Variants in POLR1D observed in about 807,000 individuals in gnomAD.
The protein encoded by POLR1D is DNA-directed RNA polymerases I and III subunit RPAC2.
In POLR1D, 8 loss-of-function variants were observed where a neutral mutation model predicts 10.8. The ratio of observed to expected loss-of-function variants is 0.74; its 90% CI spans 0.43 to 1.33. The LOEUF (loss-of-function observed/expected upper bound fraction) is 1.33, where lower values mean the gene tolerates loss of function less well. Among genes scored for constraint, POLR1D ranks in the 40% most tolerant of loss-of-function variants. The pLI, the probability that POLR1D is intolerant of heterozygous loss-of-function variation, is 0.01. For synonymous variants in POLR1D, 54 were observed against 57.2 expected (o/e 0.94, Z 0.25); for missense variants, 152 against 161.7 (o/e 0.94, Z 0.32).
In POLR1D at chr13:27,623,075, C is replaced by T. The variant is rs982475570; in HGVS notation, c.227C>T (p.Ser76Leu). Residue 76 changes from serine to leucine, a missense_variant, in exon 2 of 2, where the codon TCA becomes TTA. Ser to Leu is a moderately radical substitution (Grantham distance 145). Transcript: ENST00000302979. ...EFCGYTTTHP[S>L]ESKINLRIQT... ...TGTGGTTACACTACGACCCATCCTT[C>T]AGAGAGCAAAATTAATTTACGCATT... is the stretch of plus-strand genomic sequence containing the variant. 1.9e-6 allele frequency: 3 copies of T among 1,614,144 alleles called. No individual in the cohort carries two copies. The highest frequency in any genetic ancestry group is 8.5e-7 in the Non-Finnish European group (1 of 1,179,992).
At chr13:27,659,315 A>G (rs1956336230) in intron 2 of POLR1D, among the ~76,000 whole-genome samples, 1 of 152,156 alleles carries the variant, frequency 6.6e-6, no homozygotes, top group African/African-American at 2.4e-5. Flanking sequence ...AAGTGATCAC[A>G]GTGTGGCATG....
At chr13:27,645,713 G>T (rs1593287673) in intron 1 of POLR1D, among the ~76,000 whole-genome samples, 1 of 152,080 alleles carries the variant, frequency 6.6e-6, no homozygotes, top group Non-Finnish European at 1.5e-5. Context: ...CTGACTGAGT[G>T]CCCTCCCACC....
chr13:27,627,756 A>G (rs570548960), downstream of POLR1D, among the ~76,000 whole-genome samples: 1 of 88,954 alleles, frequency 1.1e-5, no homozygotes, highest in South Asian at 3.4e-4. Flanking sequence ...TTTTTGTCCC[A>G]TGCCTGTGTG....
At chr13:27,630,414 G>A (rs576498678) in intron 1 of POLR1D, among the ~76,000 whole-genome samples, 1 of 152,298 alleles carries the variant, frequency 6.6e-6, no homozygotes, top group African/African-American at 2.4e-5. Context: ...CACAGAGATT[G>A]AACTAGTTGG....
intron 1 of POLR1D, among the ~76,000 whole-genome samples, chr13:27,632,865 G>A (rs1956087575): frequency 6.6e-6 from 1 of 152,080 alleles, no homozygotes; most frequent in Non-Finnish European, 1.5e-5. Context: ...CTCATAGCAG[G>A]TGTTCAAAAA....
rs1417053002 is a variant in POLR1D, at chr13:27,663,107, C to T, written c.102-2579C>T. On this transcript the variant is annotated intron_variant, in intron 2 of 2. Transcript: ENST00000399697. The surrounding 1 kb of genome is among the most constrained non-coding windows in gnomAD (Gnocchi z 4.1). ...CCTCAGACATTGGTTTTGATGTTGCCGTCCTTAGACTTGGATCTATTCTGT... is the reference window on the plus strand; with the variant it reads ...CCTCAGACATTGGTTTTGATGTTGCTGTCCTTAGACTTGGATCTATTCTGT... 6.6e-6 allele frequency among the ~76,000 whole-genome samples: 1 copy of T among 152,160 alleles called. No homozygotes were observed. Among genetic ancestry groups the T allele is most frequent in the Non-Finnish European group, 1.5e-5 (1 of 68,044 alleles).
At position 27,663,457 on chromosome 13, in the gene POLR1D, A is replaced by G. The variant is rs567383989; in HGVS notation, c.102-2229A>G. ...GCCAGTTTTCTTGTGGAATTATTCTATAAAACCATCTCATTCTCTGGCTAA... is the reference window on the plus strand; with the variant it reads ...GCCAGTTTTCTTGTGGAATTATTCTGTAAAACCATCTCATTCTCTGGCTAA... On this transcript the variant is annotated intron_variant, in intron 2 of 2. Transcript: ENST00000399697. The surrounding 1 kb of genome is among the most constrained non-coding windows in gnomAD (Gnocchi z 4.1). 6.6e-6 allele frequency among the ~76,000 whole-genome samples: 1 copy of G among 152,358 alleles called. No individual in the cohort carries two copies. The highest frequency in any genetic ancestry group is 1.9e-4 in the East Asian group (1 of 5,186).
chr13:27,657,184 C>T (rs1956316047), intron 2 of POLR1D, among the ~76,000 whole-genome samples: 2 of 152,158 alleles, frequency 1.3e-5, no homozygotes, highest in African/African-American at 4.8e-5. Context: ...CTATTTATCA[C>T]TTTTTAACAG....
chr13:27,626,202 C>A (rs1042459948), downstream of POLR1D, among the ~76,000 whole-genome samples: 1 of 152,142 alleles, frequency 6.6e-6, no homozygotes. Context: ...GAATTACTTA[C>A]CTGGAGTTTA....
At chr13:27,621,388 T>A (rs1298079265), upstream of POLR1D, 2 of 152,376 alleles carry the variant, frequency 1.3e-5, no homozygotes, top group Non-Finnish European at 2.9e-5. Flanking sequence ...CCTTCAACCT[T>A]CGTATTCTGT....
chr13:27,653,612 T>G (rs1241794024), intron 2 of POLR1D, among the ~76,000 whole-genome samples: 1 of 152,212 alleles, frequency 6.6e-6, no homozygotes, highest in African/African-American at 2.4e-5. Flanking sequence ...CTTACGTTAT[T>G]GAGAACCCCA....
intron 1 of POLR1D, among the ~76,000 whole-genome samples, chr13:27,632,641 A>ACCC (rs11378549): frequency 6.9e-6 from 1 of 145,156 alleles, no homozygotes. Flanking sequence ...AAATTGCAGC[A>ACCC]CCCCCCGCCC....
intron 1 of POLR1D, among the ~76,000 whole-genome samples, chr13:27,634,026 TG>T (rs1325091038): frequency 2.0e-5 from 3 of 152,248 alleles, no homozygotes; most frequent in Non-Finnish European, 4.4e-5. Flanking sequence ...TATCAGACCT[TG>T]TAATTGAAGC....
At chr13:27,627,271 C>T (rs533236442), downstream of POLR1D, among the ~76,000 whole-genome samples, 5 of 150,272 alleles carry the variant, frequency 3.3e-5, no homozygotes, top group Non-Finnish European at 7.4e-5. Context: ...ACAGTTACTG[C>T]GTGGGTCTGG....
chr13:27,638,435 A>G (rs1414401807), intron 1 of POLR1D, among the ~76,000 whole-genome samples: 5 of 152,208 alleles, frequency 3.3e-5, no homozygotes, highest in African/African-American at 9.7e-5. Flanking sequence ...TCAAGAGACT[A>G]ATTTCTATGT....
intron 2 of POLR1D, among the ~76,000 whole-genome samples, chr13:27,660,496 C>T (rs181576390): frequency 6.0e-4 from 91 of 152,314 alleles, no homozygotes; most frequent in African/African-American, 1.9e-3. Context: ...ACTACCTGTT[C>T]GACTTCACAC....
chr13:27,665,641 AC>A (rs777339939), intron 2 of POLR1D: 3 of 1,576,810 alleles, frequency 1.9e-6, no homozygotes, highest in Non-Finnish European at 2.6e-6. Context: ...TTTGGAGTTA[AC>A]CATTTGATTT....
At chr13:27,634,367 C>G (rs1468121070) in intron 1 of POLR1D, among the ~76,000 whole-genome samples, 1 of 152,112 alleles carries the variant, frequency 6.6e-6, no homozygotes, top group Admixed American at 6.5e-5. Context: ...TTTCCTTGTT[C>G]TAATAAGTTG....
At chr13:27,632,882 A>G (rs1317388132) in intron 1 of POLR1D, among the ~76,000 whole-genome samples, 1 of 152,216 alleles carries the variant, frequency 6.6e-6, no homozygotes, top group Admixed American at 6.5e-5. Context: ...AAAAATGTTT[A>G]TCAAATGAAT....
Sources: gnomAD v4.1 joint callset for allele counts (sites outside exome capture counted in the v4.1 genomes callset) on GRCh38, gnomAD v4.1.1 for gene constraint, Gnocchi (gnomAD v3.1) non-coding constraint, MANE v1.5 for transcripts, NCBI Gene and HGNC (gene_info 2026-07-23, HGNC 2026-07-21) for gene names.